GRK5: variants seen among roughly 807,000 people sequenced by gnomAD.
The protein encoded by GRK5 is G protein-coupled receptor kinase 5.
GRK5 carries 40 observed loss-of-function variants against 78.4 expected under a neutral mutation model. The observed-to-expected ratio is 0.51, with a 90% CI of 0.40 to 0.66. The LOEUF (loss-of-function observed/expected upper bound fraction) is 0.66, where lower values mean the gene tolerates loss of function less well. Among genes scored for constraint, GRK5 ranks in the 30% least tolerant of loss-of-function variants. The pLI is 0.00. For missense variants in GRK5, 598 were observed against 759.9 expected (o/e 0.79, Z 2.50); for synonymous variants, 289 against 296.8 (o/e 0.97, Z 0.27).
At chr10:119,337,563 C>A (rs1486948998) in intron 2 of GRK5, among the ~76,000 whole-genome samples, 3 of 152,174 alleles carry the variant, frequency 2.0e-5, no homozygotes, top group African/African-American at 7.2e-5. Context: ...TCCCTGTCTT[C>A]ACCTTCACTC....
At chr10:119,384,228 G>A (rs1012023761) in intron 3 of GRK5, among the ~76,000 whole-genome samples, 5 of 152,026 alleles carry the variant, frequency 3.3e-5, no homozygotes, top group Non-Finnish European at 7.4e-5. Flanking sequence ...TTGTCCTTCT[G>A]TCCCCTGTTC....
chr10:119,418,491 C>T (rs528656897), intron 4 of GRK5, among the ~76,000 whole-genome samples: 23 of 152,272 alleles, frequency 1.5e-4, no homozygotes, highest in Admixed American at 7.2e-4. Context: ...GTCCCCAGGG[C>T]GTATCTTGGT....
Position 119,379,499 on chromosome 10 carries a change from T to C in GRK5, c.149-1316T>C, listed in dbSNP as rs1438607523. 6.6e-6 allele frequency among the ~76,000 whole-genome samples: 1 copy of C among 152,228 alleles called. No individual in the cohort carries two copies. Among genetic ancestry groups the C allele is most frequent in the Non-Finnish European group, 1.5e-5 (1 of 68,046 alleles). On this transcript the variant is annotated intron_variant, in intron 2 of 15. Coordinates refer to ENST00000392870, the MANE Select transcript of GRK5 (RefSeq NM_005308.3). This position sits in a 1 kb window ranked among gnomAD's most constrained non-coding sequence, Gnocchi z 4.1. The stretch of plus-strand genomic sequence containing the variant: ...GTTCATATCCCCTTGTTGCCTGGCG[T>C]ATCTCAAGAGAAATCCTTTCTAGGG...
intron 1 of GRK5, among the ~76,000 whole-genome samples, chr10:119,243,149 A>G (rs902501859): frequency 6.6e-6 from 1 of 152,170 alleles, no homozygotes; most frequent in South Asian, 2.1e-4. Context: ...AGACAGGAGA[A>G]TTGCTTGAAC....
At chr10:119,355,589 A>C (rs1249319663) in intron 2 of GRK5, among the ~76,000 whole-genome samples, 1 of 152,152 alleles carries the variant, frequency 6.6e-6, no homozygotes, top group Non-Finnish European at 1.5e-5. Flanking sequence ...GACCAGCCTG[A>C]CCAACATGGC....
rs1851784675 is a variant in GRK5 at position 119,385,802 on chromosome 10, G to A, written c.261+4875G>A. ...GTCCACCAGATCCTTGAGTGGCGAA[G>A]CTCCAGGGGAGATGGGTGTTCAAGC... On this transcript the variant is annotated intron_variant, in intron 3 of 15. Coordinates refer to ENST00000392870, the MANE Select transcript of GRK5 (RefSeq NM_005308.3). Among the ~76,000 whole-genome samples the A allele has an allele frequency of 2.0e-5, 3 of 152,202 alleles. No homozygotes were observed. In the South Asian group the frequency reaches 6.2e-4, roughly 31 times the overall value.
chr10:119,425,957 C>A (rs1423995533), intron 6 of GRK5, among the ~76,000 whole-genome samples: 1 of 152,190 alleles, frequency 6.6e-6, no homozygotes, highest in East Asian at 1.9e-4. Flanking sequence ...GCTACCTTCA[C>A]TGGCCCAGGA....
intron 3 of GRK5, among the ~76,000 whole-genome samples, chr10:119,393,923 G>T (rs1458173828): frequency 2.0e-5 from 3 of 149,636 alleles, no homozygotes. Context: ...TGTTTGTGTG[G>T]ATGGGTATCT....
chr10:119,397,591 T>C (rs1242554751), intron 4 of GRK5, among the ~76,000 whole-genome samples: 3 of 152,214 alleles, frequency 2.0e-5, no homozygotes, highest in African/African-American at 7.2e-5. Context: ...TTCACCCTGC[T>C]CAGGACCCTG....
chr10:119,295,300 G>A (rs1850061584), intron 1 of GRK5, among the ~76,000 whole-genome samples: 1 of 151,880 alleles, frequency 6.6e-6, no homozygotes, highest in African/African-American at 2.4e-5. Flanking sequence ...ACACTGGTCA[G>A]GACACAGTTG....
intron 1 of GRK5, among the ~76,000 whole-genome samples, chr10:119,310,634 G>GA (rs1433486202): frequency 1.3e-5 from 2 of 152,184 alleles, no homozygotes; most frequent in Admixed American, 6.5e-5. Context: ...AAGAGGACTA[G>GA]GGGTCTGCTT....
At chr10:119,389,587 A>G (rs1336997688) in intron 3 of GRK5, among the ~76,000 whole-genome samples, 1 of 152,222 alleles carries the variant, frequency 6.6e-6, no homozygotes, top group African/African-American at 2.4e-5. Flanking sequence ...AGAAGCTGCC[A>G]TGTTCTTAAT....
intron 11 of GRK5, among the ~76,000 whole-genome samples, chr10:119,442,649 G>A (rs763845457): frequency 8.5e-5 from 13 of 152,222 alleles, no homozygotes; most frequent in Admixed American, 6.5e-5. Flanking sequence ...GCTTCCTCCT[G>A]TGCATTTCAC....
At chr10:119,324,552 C>T (rs1312640296) in intron 1 of GRK5, among the ~76,000 whole-genome samples, 7 of 152,214 alleles carry the variant, frequency 4.6e-5, no homozygotes, top group East Asian at 3.9e-4. Flanking sequence ...CGCTTGAACC[C>T]GGGAGAGGCA....
At chr10:119,255,824 G>T (rs1849274960) in intron 1 of GRK5, among the ~76,000 whole-genome samples, 1 of 152,164 alleles carries the variant, frequency 6.6e-6, no homozygotes, top group South Asian at 2.1e-4. Flanking sequence ...GACGAGCAAG[G>T]CCTGGCTTTG....
rs560319555 is a variant in GRK5 at position 119,336,028 on chromosome 10, G to C, written c.148+9417G>C. ...TCACGGCGATAGTGGTTTGAGGGCAGAGGTTGAGGACCCTTTGAGAGGGTT... is the reference window on the plus strand; with the variant it reads ...TCACGGCGATAGTGGTTTGAGGGCACAGGTTGAGGACCCTTTGAGAGGGTT... On this transcript the variant is annotated intron_variant, in intron 2 of 15. Coordinates refer to ENST00000392870, the MANE Select transcript of GRK5 (RefSeq NM_005308.3). This position sits in a 1 kb window ranked among gnomAD's most constrained non-coding sequence, Gnocchi z 4.5. The C allele has an allele frequency of 6.6e-6, 1 of 152,478 alleles. No homozygotes were observed. The highest frequency in any genetic ancestry group is 1.5e-5 in the Non-Finnish European group (1 of 68,178). The allele number at this position is 152,478 out of a possible 1,614,324, so 9.4% of individuals were successfully genotyped here. A position where few individuals can be genotyped will look rare whatever the true frequency, so the allele number is the denominator to read the frequency against.
At chr10:119,249,955 G>A (rs184468506) in intron 1 of GRK5, among the ~76,000 whole-genome samples, 1 of 152,310 alleles carries the variant, frequency 6.6e-6, no homozygotes, top group African/African-American at 2.4e-5. Context: ...TTCCAGAATG[G>A]CCCCACTAAG....
chr10:119,375,711 G>A (rs970887116), intron 2 of GRK5, among the ~76,000 whole-genome samples: 3 of 152,246 alleles, frequency 2.0e-5, no homozygotes, highest in African/African-American at 7.2e-5. Flanking sequence ...TTGCAGGAAG[G>A]TGTGGCAATC....
intron 2 of GRK5, among the ~76,000 whole-genome samples, chr10:119,363,830 G>A (rs1851402285): frequency 6.6e-6 from 1 of 152,212 alleles, no homozygotes. Flanking sequence ...CTGCAGAGGT[G>A]GCAGGGAAGT....
Sources: gnomAD v4.1 joint callset for allele counts (sites outside exome capture counted in the v4.1 genomes callset) on GRCh38, gnomAD v4.1.1 for gene constraint, Gnocchi (gnomAD v3.1) non-coding constraint, MANE v1.5 for transcripts, NCBI Gene and HGNC (gene_info 2026-07-23, HGNC 2026-07-21) for gene names.